Variants in BRAF observed in about 807,000 individuals in gnomAD.
BRAF encodes the protein serine/threonine-protein kinase B-raf.
In BRAF, 16 loss-of-function variants were observed where a neutral mutation model predicts 104.6. The observed-to-expected ratio is 0.15, with a 90% CI of 0.10 to 0.23. The LOEUF is 0.23. Ranked by LOEUF, BRAF falls within the 10% of genes least tolerant of loss-of-function variation. BRAF has a pLI of 1.00. For synonymous variants in BRAF, 310 were observed against 341.6 expected (o/e 0.91, Z 1.02); for missense variants, 541 against 937.3 (o/e 0.58, Z 5.52).
At chr7:140,890,736 T>C in intron 1 of BRAF, among the ~76,000 whole-genome samples, 1 of 152,200 alleles carries the variant, frequency 6.6e-6, no homozygotes, top group East Asian at 1.9e-4. Context: ...CCTTCTGAAG[T>C]TCTCCAGGTG....
intron 17 of BRAF, among the ~76,000 whole-genome samples, chr7:140,743,308 G>A (rs965724637): frequency 4.6e-5 from 7 of 151,652 alleles, no homozygotes; most frequent in Non-Finnish European, 7.4e-5. Context: ...CAATAGCAAA[G>A]ACTTGGAACC....
At chr7:140,753,023 T>A (rs955625120) in intron 16 of BRAF, among the ~76,000 whole-genome samples, 1 of 152,064 alleles carries the variant, frequency 6.6e-6, no homozygotes. Flanking sequence ...TATTTAAGAA[T>A]AAAATATGAA....
intron 2 of BRAF, among the ~76,000 whole-genome samples, chr7:140,841,559 C>A (rs552290956): frequency 6.3e-4 from 96 of 152,096 alleles, no homozygotes; most frequent in Non-Finnish European, 1.3e-3. Flanking sequence ...TCAGCCATAA[C>A]AAGAAATGAA....
intron 7 of BRAF, among the ~76,000 whole-genome samples, chr7:140,796,151 G>C (rs1376723726): frequency 6.6e-6 from 1 of 152,052 alleles, no homozygotes; most frequent in Admixed American, 6.6e-5. Flanking sequence ...AGGAGTTCAA[G>C]ACCAGCCTGG....
intron 1 of BRAF, among the ~76,000 whole-genome samples, chr7:140,871,942 C>A (rs546586500): frequency 1.3e-5 from 2 of 152,246 alleles, no homozygotes; most frequent in East Asian, 1.9e-4. Flanking sequence ...AGAGGCCAGA[C>A]ACGGTGGCTC....
At chr7:140,770,437 C>T (rs1028880088) in intron 14 of BRAF, among the ~76,000 whole-genome samples, 1 of 142,978 alleles carries the variant, frequency 7.0e-6, no homozygotes, top group African/African-American at 2.7e-5. Flanking sequence ...TAGGCTGTAA[C>T]TTTTTCTATG....
chr7:140,878,687 T>C lies in BRAF; in HGVS notation c.139-28475A>G, dbSNP rs1812532669. Reference sequence around the variant, plus strand: ...TAAGTTCTAGTATTTCACAGTATAGTAGGGAAATTACAGTTAACAATTTAT... The same window carrying C: ...TAAGTTCTAGTATTTCACAGTATAGCAGGGAAATTACAGTTAACAATTTAT... On this transcript the variant is annotated intron_variant, in intron 1 of 19. Coordinates refer to ENST00000644969, the MANE Select transcript of BRAF (RefSeq NM_001374258.1). 2.0e-5 allele frequency among the ~76,000 whole-genome samples: 3 copies of C among 152,164 alleles called. No individual in the cohort carries two copies. In the South Asian group the frequency reaches 6.2e-4, roughly 32 times the overall value.
At chr7:140,808,159 G>A in intron 4 of BRAF, 97 bp from the exon 5 acceptor site, 3 of 909,978 alleles carry the variant, frequency 3.3e-6, no homozygotes, top group Non-Finnish European at 5.4e-6. Context: ...CGAGGGGCTA[G>A]TAACAGTGAG....
intron 1 of BRAF, among the ~76,000 whole-genome samples, chr7:140,920,385 G>C (rs1818088266): frequency 6.6e-6 from 1 of 152,200 alleles, no homozygotes; most frequent in Admixed American, 6.5e-5. Context: ...TCAGGTCTTA[G>C]AAAATGCCAA....
chr7:140,828,349 C>T (rs952893370), intron 3 of BRAF, among the ~76,000 whole-genome samples: 1 of 152,166 alleles, frequency 6.6e-6, no homozygotes, highest in Non-Finnish European at 1.5e-5. Flanking sequence ...TTCAGCGATA[C>T]CTTAACATAT....
chr7:140,767,088 C>CTAGAG (rs1799404490), intron 14 of BRAF, among the ~76,000 whole-genome samples: 1 of 152,102 alleles, frequency 6.6e-6, no homozygotes, highest in Non-Finnish European at 1.5e-5. Context: ...TCTGCAGCCT[C>CTAGAG]ATCTTCCCAG....
Position 140,794,446 on chromosome 7 carries a change from C to T in BRAF, c.1002G>A (p.Pro334=), listed in dbSNP as rs780179994. ...GAATTGGAATGGATTTTGAAGGAGA[C>T]GGACTGGTGAGAATTTGGGGCCTGG... The part of the protein sequence containing the change: ...DSIGPQILTS[P]SPSKSIPIPQ... Residue 334 remains proline, a synonymous_variant, in exon 8 of 20, where the codon CCG becomes CCA. Transcript: ENST00000644969. 1.1e-5 allele frequency: 17 copies of T among 1,613,408 alleles called. No individual in the cohort carries two copies. Among genetic ancestry groups the T allele is most frequent in the East Asian group, 6.7e-5 (3 of 44,870 alleles).
rs1796284684 is a variant in BRAF at position 140,734,882 on chromosome 7, TAA to T, written c.2248-114_2248-113del. 5.8e-6 allele frequency: 7 copies of T among 1,211,292 alleles called. No individual in the cohort carries two copies. In the East Asian group the frequency reaches 1.5e-4, roughly 27 times the overall value. 75.0% of individuals were successfully genotyped at this position (1,211,292 alleles called of 1,614,324 possible). A position where few individuals can be genotyped will look rare whatever the true frequency, so the allele number is the denominator to read the frequency against. ...TGAAAATCTGGGTGGTATAAATCTT[TAA>T]GAGTCCCATCACACTTTACAAGAAA... On this transcript the variant is annotated intron_variant, in intron 18 of 19. Coordinates refer to ENST00000644969, the MANE Select transcript of BRAF (RefSeq NM_001374258.1).
chr7:140,740,132 A>C (rs1796788907), intron 17 of BRAF, 186 bp from the exon 17 acceptor site: 1 of 611,736 alleles, frequency 1.6e-6, no homozygotes, highest in African/African-American at 1.8e-5. Flanking sequence ...AAAGGAGTGC[A>C]AGCTCAAATC....
chr7:140,869,879 G>A (rs979296701), intron 1 of BRAF, among the ~76,000 whole-genome samples: 1 of 152,104 alleles, frequency 6.6e-6, no homozygotes, highest in African/African-American at 2.4e-5. Flanking sequence ...GTTATTAAGT[G>A]TATAAATAAA....
intron 2 of BRAF, among the ~76,000 whole-genome samples, chr7:140,842,792 G>C (rs1808107399): frequency 6.6e-6 from 1 of 152,126 alleles, no homozygotes; most frequent in Non-Finnish European, 1.5e-5. Context: ...ATATTTCACT[G>C]TAGTTATCAT....
At chr7:140,747,806 A>G (rs950962535) in intron 17 of BRAF, among the ~76,000 whole-genome samples, 1 of 152,206 alleles carries the variant, frequency 6.6e-6, no homozygotes, top group African/African-American at 2.4e-5. Flanking sequence ...GCCATTGTCA[A>G]ATCAATCATT....
chr7:140,851,320 C>T (rs1280036280), intron 1 of BRAF, among the ~76,000 whole-genome samples: 2 of 152,002 alleles, frequency 1.3e-5, no homozygotes, highest in East Asian at 1.9e-4. Context: ...AGCTTTAAGG[C>T]TTGTCCAAAA....
chr7:140,739,519 T>TGG (rs11360482), intron 18 of BRAF, among the ~76,000 whole-genome samples: 10 of 135,110 alleles, frequency 7.4e-5, no homozygotes, highest in East Asian at 7.0e-4. Flanking sequence ...AAGCTCTTTG[T>TGG]GGGGGGGGGG....
Sources: allele counts gnomAD v4.1 joint callset (sites outside exome capture counted in the v4.1 genomes callset), GRCh38; gene constraint gnomAD v4.1.1; transcripts MANE v1.5; gene names NCBI Gene and HGNC (gene_info 2026-07-23, HGNC 2026-07-21).